Variants in WDR72 observed in about 807,000 individuals in gnomAD.
WDR72 encodes WD repeat-containing protein 72.
In WDR72, 120 loss-of-function variants were observed where a neutral mutation model predicts 124.2. The ratio of observed to expected loss-of-function variants is 0.97; its 90% CI spans 0.83 to 1.12. WDR72 has a LOEUF of 1.12. Ranked by LOEUF, WDR72 falls within the 50% of genes most tolerant of loss-of-function variation. The pLI is 0.00. For synonymous variants in WDR72, 452 were observed against 441.7 expected (o/e 1.02, Z -0.29); for missense variants, 1,387 against 1,278.8 (o/e 1.08, Z -1.29).
chr15:53,682,535 T>G (rs1425284261), intron 13 of WDR72, among the ~76,000 whole-genome samples: 2 of 152,126 alleles, frequency 1.3e-5, no homozygotes, highest in African/African-American at 4.8e-5. Context: ...CCACCATCTC[T>G]TCACGGATGC....
chr15:53,597,359 T>G, intron 17 of WDR72, 85 bp from the exon 18 acceptor site: 3 of 1,318,190 alleles, frequency 2.3e-6, no homozygotes, highest in Non-Finnish European at 3.2e-6. Flanking sequence ...GCCCGGAATT[T>G]AAATTTGAAT....
At chr15:53,719,061 T>C (rs947374314) in intron 3 of WDR72, among the ~76,000 whole-genome samples, 2 of 152,130 alleles carry the variant, frequency 1.3e-5, no homozygotes, top group Non-Finnish European at 2.9e-5. Context: ...CATTCTTCCA[T>C]ACACTTTCTA....
intron 3 of WDR72, among the ~76,000 whole-genome samples, chr15:53,717,827 T>G (rs2017756479): frequency 6.6e-6 from 1 of 152,156 alleles, no homozygotes; most frequent in Non-Finnish European, 1.5e-5. Flanking sequence ...TTTCCCTCTG[T>G]TTATATCCAG....
chr15:53,701,914 A>G (rs2017191876), intron 12 of WDR72, among the ~76,000 whole-genome samples: 1 of 152,320 alleles, frequency 6.6e-6, no homozygotes, highest in Admixed American at 6.5e-5. Flanking sequence ...TCTTTGCTTT[A>G]GAGCCAAATT....
chr15:53,708,880 C>T (rs1476298269), intron 9 of WDR72, among the ~76,000 whole-genome samples: 2 of 152,162 alleles, frequency 1.3e-5, no homozygotes, highest in Admixed American at 6.5e-5. Flanking sequence ...CAATTACCAG[C>T]TGTGATTTGA....
chr15:53,591,047 T>C (rs8039231), intron 18 of WDR72, among the ~76,000 whole-genome samples: 30,533 of 151,778 alleles, frequency 0.2, 4,675 homozygotes, highest in African/African-American at 0.43. Context: ...ATGGCTTCAG[T>C]GGTCTTAGTA....
rs1893020724 is a variant in WDR72 at position 53,540,394 on chromosome 15, A to G, written c.3149-17072T>C. The stretch of plus-strand genomic sequence containing the variant: ...CCAACATTCCAGGAATGGAACTAGC[A>G]CAGAAAACTTCTCTGATCACAACGC... On this transcript the variant is annotated intron_variant, in intron 18 of 19. Transcript: ENST00000360509. 2.0e-5 allele frequency among the ~76,000 whole-genome samples: 3 copies of G among 152,174 alleles called. No homozygotes were observed. The South Asian group carries it at 6.2e-4, about 31-fold the overall frequency.
intron 14 of WDR72, among the ~76,000 whole-genome samples, chr15:53,661,591 A>C (rs1159845557): frequency 6.6e-6 from 1 of 152,210 alleles, no homozygotes; most frequent in Non-Finnish European, 1.5e-5. Context: ...CTTTACAAAA[A>C]AGAAAAATAC....
At position 53,614,855 on chromosome 15, in the gene WDR72, A is replaced by T. The variant is rs116424484; in HGVS notation, c.2780+571T>A. 1.9e-3 allele frequency among the ~76,000 whole-genome samples: 294 copies of T among 152,158 alleles called. 1 individual carries two copies. The highest frequency in any genetic ancestry group is 6.9e-3 in the African/African-American group (285 of 41,548). ...CAGCTAGTGTAATCTCAACACTCAA[A>T]AGCAACAGTTATTACTAAACTGTAC... On this transcript the variant is annotated intron_variant, in intron 15 of 19. Coordinates refer to ENST00000360509, the MANE Select transcript of WDR72 (RefSeq NM_182758.4).
intron 18 of WDR72, among the ~76,000 whole-genome samples, chr15:53,551,317 G>C (rs1893718735): frequency 6.6e-6 from 1 of 152,144 alleles, no homozygotes; most frequent in Non-Finnish European, 1.5e-5. Context: ...TAAATGCAAT[G>C]AGAAGATGTT....
chr15:53,726,063 G>A (rs1418535699), intron 2 of WDR72, among the ~76,000 whole-genome samples: 2 of 147,322 alleles, frequency 1.4e-5, no homozygotes, highest in African/African-American at 5.0e-5. Context: ...CAGAATGAGA[G>A]TTCATCTCAA....
intron 14 of WDR72, among the ~76,000 whole-genome samples, chr15:53,655,432 G>A (rs896992080): frequency 2.0e-5 from 3 of 152,010 alleles, no homozygotes; most frequent in African/African-American, 7.2e-5. Flanking sequence ...GATGTCAACT[G>A]TCAAATAATT....
At chr15:53,608,761 T>A (rs2013400365) in intron 17 of WDR72, among the ~76,000 whole-genome samples, 1 of 146,808 alleles carries the variant, frequency 6.8e-6, no homozygotes, top group Non-Finnish European at 1.5e-5. Flanking sequence ...TTCTCAAAAA[T>A]AAATAAATAA....
At chr15:53,617,024 T>A (rs1159652969) in intron 14 of WDR72, among the ~76,000 whole-genome samples, 1 of 151,964 alleles carries the variant, frequency 6.6e-6, no homozygotes, top group Non-Finnish European at 1.5e-5. Context: ...TACAAAACAA[T>A]GCTTCTATAC....
At chr15:53,637,157 T>G (rs2014654771) in intron 14 of WDR72, among the ~76,000 whole-genome samples, 1 of 152,210 alleles carries the variant, frequency 6.6e-6, no homozygotes, top group Non-Finnish European at 1.5e-5. Context: ...TTCATTCATG[T>G]TGTGGCATGT....
At chr15:53,705,470 A>T (rs80194232) in intron 10 of WDR72, among the ~76,000 whole-genome samples, 42 of 150,552 alleles carry the variant, frequency 2.8e-4, no homozygotes, top group African/African-American at 6.8e-4. Flanking sequence ...TTAAAAAAAA[A>T]TTTTTTTTTT....
chr15:53,591,548 ATATG>A (rs1264638006), intron 18 of WDR72, among the ~76,000 whole-genome samples: 2 of 152,188 alleles, frequency 1.3e-5, no homozygotes, highest in Non-Finnish European at 2.9e-5. Flanking sequence ...CATCAACAAT[ATATG>A]TATGTTTGCT....
intron 3 of WDR72, among the ~76,000 whole-genome samples, chr15:53,717,461 T>C (rs1369591718): frequency 1.3e-5 from 2 of 152,118 alleles, no homozygotes; most frequent in African/African-American, 4.8e-5. Context: ...AAACAAAATA[T>C]ATAGACTAAT....
At chr15:53,566,605 A>G (rs1894304228) in intron 18 of WDR72, among the ~76,000 whole-genome samples, 1 of 151,912 alleles carries the variant, frequency 6.6e-6, no homozygotes. Context: ...GGAAGTCACC[A>G]GCATGGATAG....
Sources: gnomAD v4.1 joint callset for allele counts (sites outside exome capture counted in the v4.1 genomes callset) on GRCh38, gnomAD v4.1.1 for gene constraint, MANE v1.5 for transcripts, NCBI Gene and HGNC (gene_info 2026-07-23, HGNC 2026-07-21) for gene names.